RABGAP1L: variants seen among roughly 807,000 people sequenced by gnomAD.
The protein encoded by RABGAP1L is RAB GTPase activating protein 1 like.
RABGAP1L carries 63 observed loss-of-function variants against 137.7 expected under a neutral mutation model. The observed-to-expected ratio is 0.46, with a 90% confidence interval of 0.37 to 0.56. RABGAP1L has a LOEUF of 0.56. RABGAP1L is among the 20% of genes least tolerant of loss of function. The pLI is 0.00. For missense variants in RABGAP1L, 1,095 were observed against 1,244.0 expected (o/e 0.88, Z 1.80); for synonymous variants, 431 against 433.7 (o/e 0.99, Z 0.08).
chr1:174,764,469 A>T (rs1685501217), intron 18 of RABGAP1L, among the ~76,000 whole-genome samples: 1 of 152,190 alleles, frequency 6.6e-6, no homozygotes, highest in Non-Finnish European at 1.5e-5. Context: ...GCCCAATATG[A>T]TGTGCTGCCT....
chr1:174,530,978 T>C (rs932236295), intron 13 of RABGAP1L, among the ~76,000 whole-genome samples: 4 of 151,938 alleles, frequency 2.6e-5, no homozygotes, highest in African/African-American at 9.7e-5. Flanking sequence ...TACAGAGAGA[T>C]AGGAAATAGG....
At chr1:174,957,579 T>G (rs753455475) in intron 20 of RABGAP1L, 30 bp downstream of exon 20, 3 of 1,551,024 alleles carry the variant, frequency 1.9e-6, no homozygotes, top group Non-Finnish European at 2.7e-6. Flanking sequence ...CCTATCAAAG[T>G]ACCTTCTTTT....
intron 13 of RABGAP1L, among the ~76,000 whole-genome samples, chr1:174,493,712 T>C (rs1009361141): frequency 6.6e-6 from 1 of 151,212 alleles, no homozygotes; most frequent in Non-Finnish European, 1.5e-5. Flanking sequence ...TTTCAGCTAC[T>C]TGGGAGGCTG....
At chr1:174,426,466 G>A (rs1008887526) in intron 13 of RABGAP1L, among the ~76,000 whole-genome samples, 10 of 151,756 alleles carry the variant, frequency 6.6e-5, no homozygotes, top group Admixed American at 5.9e-4. Context: ...TTACAAATAC[G>A]TCTTAATATA....
intron 14 of RABGAP1L, among the ~76,000 whole-genome samples, chr1:174,651,920 T>C (rs940438243): frequency 5.3e-5 from 8 of 152,160 alleles, no homozygotes; most frequent in Non-Finnish European, 1.0e-4. Flanking sequence ...GATGCAGTTT[T>C]TTCCTAGACT....
At chr1:174,615,311 C>A (rs1671711174) in intron 13 of RABGAP1L, among the ~76,000 whole-genome samples, 1 of 152,184 alleles carries the variant, frequency 6.6e-6, no homozygotes, top group Non-Finnish European at 1.5e-5. Context: ...CCCTCAGCTG[C>A]AGGTCTTTTG....
At chr1:174,808,357 G>T (rs1007251844) in intron 18 of RABGAP1L, among the ~76,000 whole-genome samples, 1 of 152,102 alleles carries the variant, frequency 6.6e-6, no homozygotes, top group African/African-American at 2.4e-5. Context: ...GGGAGCCTAA[G>T]ATGGGAAGGT....
At chr1:174,955,372 T>C (rs1668363277) in intron 19 of RABGAP1L, among the ~76,000 whole-genome samples, 1 of 152,226 alleles carries the variant, frequency 6.6e-6, no homozygotes, top group Non-Finnish European at 1.5e-5. Context: ...ATAATTCTAG[T>C]ACTTCATAGT....
chr1:174,475,280 G>T (rs1215565704), intron 13 of RABGAP1L, among the ~76,000 whole-genome samples: 1 of 152,096 alleles, frequency 6.6e-6, no homozygotes, highest in Non-Finnish European at 1.5e-5. Context: ...GCAGGCACTG[G>T]AGTATTCAAG....
intron 19 of RABGAP1L, among the ~76,000 whole-genome samples, chr1:174,869,793 T>A (rs901505909): frequency 1.3e-5 from 2 of 151,854 alleles, no homozygotes; most frequent in Admixed American, 6.6e-5. Context: ...AGTGCCCTTA[T>A]AAAAAAAACT....
At chr1:174,393,957 A>G in intron 12 of RABGAP1L, 38 bp from the exon 13 acceptor site, 1 of 1,599,846 alleles carries the variant, frequency 6.3e-7, no homozygotes. Context: ...CAGGAGTTGT[A>G]AAGGAAGTGT....
At chr1:174,414,028 G>C (rs1318819669) in intron 13 of RABGAP1L, among the ~76,000 whole-genome samples, 1 of 152,088 alleles carries the variant, frequency 6.6e-6, no homozygotes, top group African/African-American at 2.4e-5. Context: ...ATGGCACCAT[G>C]TATGGTCTGT....
Position 174,579,273 on chromosome 1 carries a change from G to A in RABGAP1L, c.1711-58102G>A, listed in dbSNP as rs544225138. On this transcript the variant is annotated intron_variant, in intron 13 of 25. Coordinates refer to ENST00000681986, the MANE Select transcript of RABGAP1L (RefSeq NM_001366446.1). ...GAGAGTTTTTAATGCTAATCAGTGG[G>A]AAGGGAGTTGGAGACCAGATGACTA... Among the ~76,000 whole-genome samples the A allele has an allele frequency of 3.3e-5, 5 of 152,240 alleles. No homozygotes were observed. In the South Asian group the frequency reaches 1.0e-3, roughly 32 times the overall value.
intron 13 of RABGAP1L, among the ~76,000 whole-genome samples, chr1:174,399,836 G>A (rs929205626): frequency 9.2e-5 from 14 of 152,048 alleles, no homozygotes; most frequent in African/African-American, 2.4e-4. Flanking sequence ...AACACTGTGG[G>A]GTAAACCGCC....
At chr1:174,565,238 A>G (rs1313850218) in intron 13 of RABGAP1L, among the ~76,000 whole-genome samples, 1 of 152,182 alleles carries the variant, frequency 6.6e-6, no homozygotes, top group Non-Finnish European at 1.5e-5. Flanking sequence ...AATCAATTTT[A>G]TTCTAATCTA....
chr1:174,863,812 G>C (rs1268662092), intron 19 of RABGAP1L, among the ~76,000 whole-genome samples: 1 of 151,664 alleles, frequency 6.6e-6, no homozygotes, highest in Non-Finnish European at 1.5e-5. Context: ...AAACCCTGTT[G>C]CTACTAAGAA....
intron 13 of RABGAP1L, among the ~76,000 whole-genome samples, chr1:174,438,353 T>A (rs1653676478): frequency 6.6e-6 from 1 of 152,154 alleles, no homozygotes; most frequent in Admixed American, 6.6e-5. Context: ...GGATTTGAAT[T>A]GCAATAGCAA....
chr1:174,844,098 G>A (rs1027008582), intron 19 of RABGAP1L, among the ~76,000 whole-genome samples: 2 of 151,444 alleles, frequency 1.3e-5, no homozygotes, highest in African/African-American at 2.4e-5. Flanking sequence ...AAATTTGTTC[G>A]AGTTCATTGT....
chr1:174,723,615 G>A (rs1319791943), intron 17 of RABGAP1L, among the ~76,000 whole-genome samples: 1 of 152,054 alleles, frequency 6.6e-6, no homozygotes, highest in African/African-American at 2.4e-5. Context: ...TGTGTATTAT[G>A]TATCTAGTAG....
Sources: gnomAD v4.1 joint callset for allele counts (sites outside exome capture counted in the v4.1 genomes callset) on GRCh38, gnomAD v4.1.1 for gene constraint, MANE v1.5 for transcripts, NCBI Gene and HGNC (gene_info 2026-07-23, HGNC 2026-07-21) for gene names.